The following CHI3L2 variants were observed in gnomAD, a reference collection of about 807,000 sequenced individuals.
CHI3L2 encodes chitinase-3-like protein 2.
CHI3L2 carries 47 observed loss-of-function variants against 47.3 expected under a neutral mutation model. The observed-to-expected ratio is 0.99, with a 90% confidence interval of 0.79 to 1.27. The LOEUF is 1.27. CHI3L2 is among the 50% of genes most tolerant of loss of function. CHI3L2 has a pLI of 0.00. For synonymous variants in CHI3L2, 198 were observed against 169.9 expected (o/e 1.17, Z -1.28); for missense variants, 497 against 462.1 (o/e 1.08, Z -0.69).
At chr1:111,240,533 T>C (rs1383692416) in intron 8 of CHI3L2, among the ~76,000 whole-genome samples, 1 of 152,212 alleles carries the variant, frequency 6.6e-6, no homozygotes, top group African/African-American at 2.4e-5. Flanking sequence ...TCCCATCTCA[T>C]GGAAAGTTTG....
At chr1:111,242,504 C>G in intron 10 of CHI3L2, 138 bp downstream of exon 10, 2 of 876,388 alleles carry the variant, frequency 2.3e-6, no homozygotes, top group Non-Finnish European at 3.3e-6. Flanking sequence ...GTTTTCTTAG[C>G]AATTAGGCTG....
At chr1:111,237,070 G>A (rs1472792514) in intron 7 of CHI3L2, among the ~76,000 whole-genome samples, 4 of 152,206 alleles carry the variant, frequency 2.6e-5, no homozygotes, top group Non-Finnish European at 5.9e-5. Context: ...CTGATCTTAG[G>A]TTTTGCAACA....
intron 4 of CHI3L2, among the ~76,000 whole-genome samples, chr1:111,234,592 T>A (rs1232344144): frequency 1.3e-5 from 2 of 152,156 alleles, no homozygotes; most frequent in African/African-American, 4.8e-5. Flanking sequence ...AAGCCCAAGA[T>A]TGAGGTCCAG....
intron 4 of CHI3L2, 106 bp from the exon 5 acceptor site, chr1:111,234,801 T>C: frequency 1.1e-5 from 11 of 1,035,552 alleles, no homozygotes; most frequent in Non-Finnish European, 1.4e-5. Flanking sequence ...AAATTGTAAG[T>C]GAATATTGGG....
rs888729683 is a variant in CHI3L2, at chr1:111,234,672, G to A, written c.330-235G>A. On this transcript the variant is annotated intron_variant, in intron 4 of 10. Coordinates refer to ENST00000369748, the MANE Select transcript of CHI3L2 (RefSeq NM_004000.3). ...AAGAGTCTTAGCCAAAGGCAGCTCC[G>A]TTACCCTTAGGAAGGTCTGCAGAGA... Among the ~76,000 whole-genome samples the A allele has an allele frequency of 3.3e-5, 5 of 152,180 alleles. No individual in the cohort carries two copies. The South Asian group carries it at 6.2e-4, about 19-fold the overall frequency.
At chr1:111,232,781 G>A (rs748731004) in intron 4 of CHI3L2, among the ~76,000 whole-genome samples, 1 of 152,076 alleles carries the variant, frequency 6.6e-6, no homozygotes, top group Non-Finnish European at 1.5e-5. Flanking sequence ...CTATTGAATG[G>A]GCAGCTCTCC....
In CHI3L2 at chr1:111,238,731, A is replaced by G. The variant is rs754155781; in HGVS notation, c.736-19A>G. ...TTCTTTCCCCACACTCTGAGCCTCCATCTCTCTTCCCATTCTAGGAATATG... is the reference window on the plus strand; with the variant it reads ...TTCTTTCCCCACACTCTGAGCCTCCGTCTCTCTTCCCATTCTAGGAATATG... On this transcript the variant is annotated intron_variant, in intron 7 of 10. Coordinates refer to ENST00000369748, the MANE Select transcript of CHI3L2 (RefSeq NM_004000.3). 1.7e-5 allele frequency: 28 copies of G among 1,612,712 alleles called. No individual in the cohort carries two copies. The highest frequency in any genetic ancestry group is 2.2e-5 in the Non-Finnish European group (26 of 1,179,304).
chr1:111,242,083 A>T lies in CHI3L2; in HGVS notation c.1036-144A>T, dbSNP rs1013280333. 215 of 971,114 alleles carry T rather than the reference A, an allele frequency of 2.2e-4. 1 individual carries two copies. In the Admixed American group the frequency reaches 4.5e-3, roughly 20 times the overall value. 60.2% of individuals were successfully genotyped at this position (971,114 alleles called of 1,614,324 possible). A position where few individuals can be genotyped will look rare whatever the true frequency, so the allele number is the denominator to read the frequency against. Reference sequence around the variant, plus strand: ...TGGCTCTCTCTCCCTGAGCAATCTTACCCCTCAGGAAGTCTCTAACTCCAG... The same window carrying T: ...TGGCTCTCTCTCCCTGAGCAATCTTTCCCCTCAGGAAGTCTCTAACTCCAG... On this transcript the variant is annotated intron_variant, in intron 9 of 10. Coordinates refer to ENST00000369748, the MANE Select transcript of CHI3L2 (RefSeq NM_004000.3).
At chr1:111,227,677 C>T, upstream of CHI3L2, 1 of 1,577,762 alleles carries the variant, frequency 6.3e-7, no homozygotes, top group Non-Finnish European at 8.7e-7. Flanking sequence ...GTCGAAACCT[C>T]AGTGGATAAA....
At chr1:111,231,515 C>G (rs2182115) in intron 4 of CHI3L2, 46,368 of 448,354 alleles carry the variant, frequency 0.1, 2,899 homozygotes, top group Middle Eastern at 0.15. Context: ...CCCAGACACT[C>G]AAGGCTTGAG....
Position 111,236,216 on chromosome 1 carries a change from C to T in CHI3L2, c.735+63C>T, listed in dbSNP as rs1659885093. Reference sequence around the variant, plus strand: ...GGGGGTGGGGCTGGGGAGAGTCCAGCATGTCTAGAGTTACTTCTGTCTTGA... The same window carrying T: ...GGGGGTGGGGCTGGGGAGAGTCCAGTATGTCTAGAGTTACTTCTGTCTTGA... On this transcript the variant is annotated intron_variant, in intron 7 of 10. Coordinates refer to ENST00000369748, the MANE Select transcript of CHI3L2 (RefSeq NM_004000.3). 9.0e-6 allele frequency: 14 copies of T among 1,554,760 alleles called. No homozygotes were observed. The South Asian group carries it at 1.5e-4, about 17-fold the overall frequency.
intron 2 of CHI3L2, among the ~76,000 whole-genome samples, chr1:111,230,084 C>T (rs1033954111): frequency 6.6e-6 from 1 of 152,102 alleles, no homozygotes; most frequent in African/African-American, 2.4e-5. Context: ...CTCTCTCTCT[C>T]ACCCCTCCCC....
At position 111,230,731 on chromosome 1, in the gene CHI3L2, C is replaced by G; in HGVS notation, c.71-11C>G. 1 of 1,612,954 alleles carries G rather than the reference C, an allele frequency of 6.2e-7. No homozygotes were observed. The highest frequency in any genetic ancestry group is 8.5e-7 in the Non-Finnish European group (1 of 1,178,940). On this transcript the variant is annotated splice_polypyrimidine_tract_variant and intron_variant, in intron 2 of 10. Transcript: ENST00000369748. ...CCTAGAGTCTCACTGGCTCTCTTCA[C>G]TCTACTCCAGGATCTGCCTACAAAC... is the stretch of plus-strand genomic sequence containing the variant.
intron 8 of CHI3L2, among the ~76,000 whole-genome samples, chr1:111,240,965 TAAC>T (rs1660035971): frequency 6.6e-6 from 1 of 152,242 alleles, no homozygotes; most frequent in African/African-American, 2.4e-5. Flanking sequence ...CATTTGATCC[TAAC>T]AACAACACTG....
chr1:111,236,829 C>T (rs986934645), intron 7 of CHI3L2, among the ~76,000 whole-genome samples: 1 of 152,226 alleles, frequency 6.6e-6, no homozygotes. Flanking sequence ...AAATCAGTTT[C>T]CCTGGAAATT....
At position 111,241,349 on chromosome 1, in the gene CHI3L2, C is replaced by A. The variant is rs1303898663; in HGVS notation, c.941C>A (p.Ala314Asp). Residue 314 changes from alanine to aspartate, a missense_variant, in exon 9 of 11, where the codon GCC (alanine) becomes GAC (aspartate). Physicochemically the swap from Ala to Asp is moderately radical, Grantham distance 126 (BLOSUM62 -2). Transcript: ENST00000369748. The part of the protein sequence containing the change: ...YYEICQFLKG[A>D]KITRLQDQQV... ...CAGATCTGCCAGTTCCTGAAAGGAGCCAAGATCACGCGGCTCCAGGATCAG... is the reference window on the plus strand; with the variant it reads ...CAGATCTGCCAGTTCCTGAAAGGAGACAAGATCACGCGGCTCCAGGATCAG... 1.3e-6 allele frequency: 2 copies of A among 1,595,852 alleles called. No homozygotes were observed. The highest frequency in any genetic ancestry group is 2.2e-5 in the South Asian group (2 of 90,806).
At chr1:111,230,178 A>G (rs2101544706) in intron 2 of CHI3L2, among the ~76,000 whole-genome samples, 1 of 152,214 alleles carries the variant, frequency 6.6e-6, no homozygotes, top group South Asian at 2.1e-4. Flanking sequence ...TGTGTCATCC[A>G]TCCATACATA....
chr1:111,227,741 C>A lies in CHI3L2; in HGVS notation c.12C>A (p.Thr4=), dbSNP rs374775833. The change falls in exon 1 of 11, where the codon ACC becomes ACA. Residue 4 remains threonine, a synonymous_variant. Transcript: ENST00000369748. ...AGCTGGCCAAGGATATGGGAGCAAC[C>A]ACCATGGACCAGAAGTCTCTCTGGG... MGA[T]TMDQKSLWAG... is the part of the protein sequence containing the mutation. 6.2e-7 allele frequency: 1 copy of A among 1,614,164 alleles called. No individual in the cohort carries two copies.
rs1477930517 is a variant in CHI3L2, at chr1:111,229,677, G to A, written c.41-175G>A. ...AGCCTGGGCGACAGAGCGAGACTCC[G>A]TCTCAAAAAAAAAAAAAAAAAAAAA... On this transcript the variant is annotated intron_variant, in intron 1 of 10. Transcript: ENST00000369748. 7 of 404,348 alleles carry A rather than the reference G, an allele frequency of 1.7e-5. No individual in the cohort carries two copies. The African/African-American group carries it at 3.1e-4, about 18-fold the overall frequency. 25.0% of individuals were successfully genotyped at this position (404,348 alleles called of 1,614,324 possible).
Sources: gnomAD v4.1 joint callset for allele counts (sites outside exome capture counted in the v4.1 genomes callset) on GRCh38, gnomAD v4.1.1 for gene constraint, MANE v1.5 for transcripts, NCBI Gene and HGNC (gene_info 2026-07-23, HGNC 2026-07-21) for gene names.